The following KIRREL3 variants were observed in gnomAD, a reference collection of about 807,000 sequenced individuals.
The protein encoded by KIRREL3 is kirre like nephrin family adhesion molecule 3, also known as kin of IRRE-like protein 3.
In KIRREL3, 36 loss-of-function variants were observed where a neutral mutation model predicts 89.7. The ratio of observed to expected loss-of-function variants is 0.40; its 90% CI spans 0.31 to 0.53. The LOEUF (loss-of-function observed/expected upper bound fraction) is 0.53, where lower values mean the gene tolerates loss of function less well. Among genes scored for constraint, KIRREL3 ranks in the 20% least tolerant of loss-of-function variants. The pLI is 0.49. For missense variants in KIRREL3, 864 were observed against 1,056.6 expected (o/e 0.82, Z 2.53); for synonymous variants, 445 against 441.4 (o/e 1.01, Z -0.10).
At chr11:126,874,050 G>A (rs974491374) in intron 1 of KIRREL3, among the ~76,000 whole-genome samples, 3 of 152,128 alleles carry the variant, frequency 2.0e-5, no homozygotes, top group Non-Finnish European at 2.9e-5. Context: ...GTGCAGATCT[G>A]ATGTACTAAG....
rs1237965196 is a variant in KIRREL3, at chr11:126,985,059, T to A, written c.55+15396A>T. On this transcript the variant is annotated intron_variant, in intron 1 of 16. Transcript: ENST00000525144. The surrounding 1 kb of genome is among the most constrained non-coding windows in gnomAD (Gnocchi z 5.3). ...TTAATGTGAAAGTGTTCTGGAACTATGAAATACTATACACATGCAAGGAAG... is the reference window on the plus strand; with the variant it reads ...TTAATGTGAAAGTGTTCTGGAACTAAGAAATACTATACACATGCAAGGAAG... 6.6e-6 allele frequency among the ~76,000 whole-genome samples: 1 copy of A among 152,192 alleles called. No individual in the cohort carries two copies.
In KIRREL3 at chr11:126,694,835, G is replaced by A. The variant is rs564165485; in HGVS notation, c.56-131923C>T. ...TAAAACTCCCTTATAAGGGTGGCTGGAATGGGGACTGGAAGAGACAGGTAA... is the reference window on the plus strand; with the variant it reads ...TAAAACTCCCTTATAAGGGTGGCTGAAATGGGGACTGGAAGAGACAGGTAA... On this transcript the variant is annotated intron_variant, in intron 1 of 16. Transcript: ENST00000525144. The surrounding 1 kb of genome is among the most constrained non-coding windows in gnomAD (Gnocchi z 4.4). Among the ~76,000 whole-genome samples, 1 of 152,310 alleles carries A rather than the reference G, an allele frequency of 6.6e-6. No individual in the cohort carries two copies. Among genetic ancestry groups the A allele is most frequent in the African/African-American group, 2.4e-5 (1 of 41,574 alleles).
intron 2 of KIRREL3, among the ~76,000 whole-genome samples, chr11:126,545,838 G>A (rs931363713): frequency 2.6e-5 from 4 of 152,138 alleles, no homozygotes; most frequent in Admixed American, 2.6e-4. Flanking sequence ...AGCTTTCAAG[G>A]GTTGCAGGGC....
chr11:126,820,341 G>T (rs919490558), intron 1 of KIRREL3, among the ~76,000 whole-genome samples: 1 of 151,992 alleles, frequency 6.6e-6, no homozygotes, highest in African/African-American at 2.4e-5. Context: ...AAGGTCTGAA[G>T]ATAAAGCAAG....
intron 1 of KIRREL3, among the ~76,000 whole-genome samples, chr11:126,657,453 T>A (rs1478616211): frequency 6.6e-6 from 1 of 152,182 alleles, no homozygotes; most frequent in East Asian, 1.9e-4. Context: ...AGGAGAAACC[T>A]CCATATGTGG....
At chr11:126,693,751 T>C (rs1045415467) in intron 1 of KIRREL3, among the ~76,000 whole-genome samples, 4 of 152,250 alleles carry the variant, frequency 2.6e-5, no homozygotes, top group African/African-American at 9.6e-5. Flanking sequence ...GATTACCTTC[T>C]AGTGATAAAG....
At chr11:126,445,777 C>G (rs1955769947) in intron 9 of KIRREL3, among the ~76,000 whole-genome samples, 1 of 152,204 alleles carries the variant, frequency 6.6e-6, no homozygotes, top group Non-Finnish European at 1.5e-5. Flanking sequence ...GCTTCCCTAC[C>G]TGGAGCTCTC....
At position 126,605,765 on chromosome 11, in the gene KIRREL3, G is replaced by A. The variant is rs576241239; in HGVS notation, c.56-42853C>T. Among the ~76,000 whole-genome samples the A allele has an allele frequency of 5.9e-5, 9 of 152,378 alleles. No individual in the cohort carries two copies. In the South Asian group the frequency reaches 1.9e-3, roughly 32 times the overall value. ...TGGGAGTGGGAATGGGGTGGGGAAAGCATGGGGCATATGGGTAGAGAGTGA... is the reference window on the plus strand; with the variant it reads ...TGGGAGTGGGAATGGGGTGGGGAAAACATGGGGCATATGGGTAGAGAGTGA... On this transcript the variant is annotated intron_variant, in intron 1 of 16. Coordinates refer to ENST00000525144, the MANE Select transcript of KIRREL3 (RefSeq NM_032531.4). This position sits in a 1 kb window ranked among gnomAD's most constrained non-coding sequence, Gnocchi z 5.7.
intron 1 of KIRREL3, among the ~76,000 whole-genome samples, chr11:126,749,111 G>C (rs1949250708): frequency 6.6e-6 from 1 of 152,128 alleles, no homozygotes; most frequent in Non-Finnish European, 1.5e-5. Context: ...TGAACTTTTT[G>C]CTATTGTGCT....
At chr11:126,825,612 T>C (rs924382588) in intron 1 of KIRREL3, among the ~76,000 whole-genome samples, 12 of 152,230 alleles carry the variant, frequency 7.9e-5, no homozygotes, top group Non-Finnish European at 1.5e-4. Flanking sequence ...ACTGGGTTTG[T>C]TGTCTATACT....
intron 5 of KIRREL3, among the ~76,000 whole-genome samples, chr11:126,472,989 C>T (rs1281799255): frequency 2.3e-5 from 2 of 86,036 alleles, no homozygotes; most frequent in Non-Finnish European, 4.4e-5. Flanking sequence ...TCCTCTCTAC[C>T]TAACCCCCAG....
chr11:126,957,659 G>A (rs918808249), intron 1 of KIRREL3, among the ~76,000 whole-genome samples: 6 of 152,164 alleles, frequency 3.9e-5, no homozygotes, highest in Non-Finnish European at 8.8e-5. Flanking sequence ...AAGGAGGCAG[G>A]GTTGGACGTG....
rs562351794 is a variant in KIRREL3 at position 126,427,778 on chromosome 11, G to A, written c.1806+1401C>T. Among the ~76,000 whole-genome samples, 6 of 152,282 alleles carry A rather than the reference G, an allele frequency of 3.9e-5. No individual in the cohort carries two copies. In the South Asian group the frequency reaches 1.0e-3, roughly 26 times the overall value. On this transcript the variant is annotated intron_variant, in intron 15 of 16. Transcript: ENST00000525144. The surrounding 1 kb of genome is among the most constrained non-coding windows in gnomAD (Gnocchi z 5.3). ...CATTTTAGAAAGGCTGCTTTCTCAA[G>A]GCTCTCGAGGGTGGATTGAGAAAAG...
chr11:126,454,319 G>A lies in KIRREL3; in HGVS notation c.848+2030C>T, dbSNP rs1956272718. On this transcript the variant is annotated intron_variant, in intron 7 of 16. Coordinates refer to ENST00000525144, the MANE Select transcript of KIRREL3 (RefSeq NM_032531.4). This position sits in a 1 kb window ranked among gnomAD's most constrained non-coding sequence, Gnocchi z 5.8. ...GGGGGTGGAGGGGTCAGGTCCCAGG[G>A]CGTGCAGCCCTGCTGTCTGCCCAGC... is the stretch of plus-strand genomic sequence containing the variant. Among the ~76,000 whole-genome samples, 1 of 152,298 alleles carries A rather than the reference G, an allele frequency of 6.6e-6. No homozygotes were observed. Among genetic ancestry groups the A allele is most frequent in the South Asian group, 2.1e-4 (1 of 4,834 alleles).
intron 1 of KIRREL3, among the ~76,000 whole-genome samples, chr11:126,992,133 G>A (rs543117509): frequency 6.6e-6 from 1 of 152,244 alleles, no homozygotes; most frequent in East Asian, 1.9e-4. Flanking sequence ...AATTTGCCAG[G>A]CACCTACAAG....
At chr11:126,819,163 C>T (rs1879451) in intron 1 of KIRREL3, among the ~76,000 whole-genome samples, 37,977 of 151,908 alleles carry the variant, frequency 0.25, 4,799 homozygotes, top group Admixed American at 0.31. Context: ...CAGAGGGTGG[C>T]AAATAATCTG....
At chr11:126,810,490 C>T (rs1421499155) in intron 1 of KIRREL3, among the ~76,000 whole-genome samples, 2 of 152,164 alleles carry the variant, frequency 1.3e-5, no homozygotes, top group Admixed American at 6.5e-5. Flanking sequence ...TCCAGAATCT[C>T]GGATTTCCAC....
intron 11 of KIRREL3, among the ~76,000 whole-genome samples, chr11:126,438,113 C>T (rs1384649534): frequency 1.3e-5 from 2 of 152,280 alleles, no homozygotes; most frequent in Non-Finnish European, 2.9e-5. Context: ...CCCTGTTGGC[C>T]TGCGCACTGC....
At chr11:126,922,719 A>T (rs1411176595) in intron 1 of KIRREL3, among the ~76,000 whole-genome samples, 1 of 151,698 alleles carries the variant, frequency 6.6e-6, no homozygotes, top group Non-Finnish European at 1.5e-5. Flanking sequence ...CAGCAGCAAC[A>T]ACAACAACAA....
Sources: gnomAD v4.1 joint callset for allele counts (sites outside exome capture counted in the v4.1 genomes callset) on GRCh38, gnomAD v4.1.1 for gene constraint, Gnocchi (gnomAD v3.1) non-coding constraint, MANE v1.5 for transcripts, NCBI Gene and HGNC (gene_info 2026-07-23, HGNC 2026-07-21) for gene names.